SNED1: variants seen among roughly 807,000 people sequenced by gnomAD.
The protein encoded by SNED1 is sushi, nidogen and EGF-like domain-containing protein 1.
SNED1 carries 81 observed loss-of-function variants against 166.7 expected under a neutral mutation model. The ratio of observed to expected loss-of-function variants is 0.49; its 90% CI spans 0.41 to 0.58. The LOEUF (loss-of-function observed/expected upper bound fraction) is 0.58, where lower values mean the gene tolerates loss of function less well. Ranked by LOEUF, SNED1 falls within the 20% of genes least tolerant of loss-of-function variation. The probability of loss-of-function intolerance (pLI) is 0.00; values close to 1 mark genes in which losing one functional copy is unlikely to be tolerated. For synonymous variants in SNED1, 762 were observed against 822.0 expected (o/e 0.93, Z 1.25); for missense variants, 1,604 against 2,000.2 (o/e 0.80, Z 3.78).
intron 4 of SNED1, 87 bp downstream of exon 4, chr2:241,034,817 G>T: frequency 7.2e-7 from 1 of 1,388,978 alleles, no homozygotes; most frequent in Non-Finnish European, 9.7e-7. Flanking sequence ...AAGGGGGCTG[G>T]ATGCTGACGG....
At chr2:241,078,698 A>G (rs2063168081) in intron 27 of SNED1, among the ~76,000 whole-genome samples, 1 of 151,904 alleles carries the variant, frequency 6.6e-6, no homozygotes, top group Non-Finnish European at 1.5e-5. Flanking sequence ...TGAGGTCACG[A>G]AAATGTTCTA....
chr2:241,050,043 C>T (rs548666282), intron 12 of SNED1, 110 bp downstream of exon 12: 8 of 792,650 alleles, frequency 1.0e-5, no homozygotes, highest in East Asian at 2.6e-5. Context: ...TTGCTGACCT[C>T]GTCTAGAGCC....
In SNED1 at chr2:241,016,701, G is replaced by C. The variant is rs760823986; in HGVS notation, c.214-13583G>C. 5.6e-4 allele frequency among the ~76,000 whole-genome samples: 85 copies of C among 152,190 alleles called. No homozygotes were observed. In the Middle Eastern group the frequency reaches 0.01, roughly 18 times the overall value. ...CTATGTGTCTCTGGAATTATTTCTT[G>C]AATGTTTGGTGTAACTCACTGGTGA... On this transcript the variant is annotated intron_variant, in intron 1 of 31. Transcript: ENST00000310397.
intron 5 of SNED1, 36 bp from the exon 6 acceptor site, chr2:241,037,203 TC>T (rs777892246): frequency 4.0e-6 from 6 of 1,513,892 alleles, no homozygotes; most frequent in Non-Finnish European, 5.4e-6. Flanking sequence ...TCATCCGGGT[TC>T]CCGCCGCTGA....
intron 30 of SNED1, 97 bp downstream of exon 30, chr2:241,087,572 C>A: frequency 6.8e-7 from 1 of 1,470,816 alleles, no homozygotes; most frequent in Non-Finnish European, 9.0e-7. Flanking sequence ...GGCCTGTGGG[C>A]TGAGCCAGGC....
chr2:241,028,121 A>T (rs1407106874), intron 1 of SNED1, among the ~76,000 whole-genome samples: 1 of 152,100 alleles, frequency 6.6e-6, no homozygotes, highest in African/African-American at 2.4e-5. Flanking sequence ...GTCCTTTCTC[A>T]TTTTTGAAAC....
chr2:241,076,822 T>G (rs1375797644), intron 27 of SNED1, among the ~76,000 whole-genome samples: 1 of 151,744 alleles, frequency 6.6e-6, no homozygotes, highest in Non-Finnish European at 1.5e-5. Context: ...CCGGGCGCAG[T>G]GGCTCAGGCC....
Position 241,070,082 on chromosome 2 carries a change from C to A in SNED1, c.3470C>A (p.Ala1157Glu), listed in dbSNP as rs773042335. 1 of 1,613,088 alleles carries A rather than the reference C, an allele frequency of 6.2e-7. No homozygotes were observed. The highest frequency in any genetic ancestry group is 8.5e-7 in the Non-Finnish European group (1 of 1,179,886). The change falls in exon 24 of 32, where the codon GCG becomes GAG. Residue 1157 changes from alanine (A) to glutamate (E), a missense_variant. By Grantham distance (107) the Ala-to-Glu change is moderately radical. Transcript: ENST00000310397. ...CGCTATGTCCCCAACGGGAAGCTGG[C>A]GTCCTACACGGTGCGCGACCTGCTG... ...KSRYVPNGKL[A>E]SYTVRDLLPG...
intron 16 of SNED1, among the ~76,000 whole-genome samples, chr2:241,062,152 TG>T (rs1458218277): frequency 6.6e-6 from 1 of 152,212 alleles, no homozygotes; most frequent in African/African-American, 2.4e-5. Flanking sequence ...CATATTTTAC[TG>T]CCAGAAAACC....
At chr2:241,003,152 G>T (rs945768558) in intron 1 of SNED1, among the ~76,000 whole-genome samples, 20 of 22,506 alleles carry the variant, frequency 8.9e-4, no homozygotes, top group Non-Finnish European at 1.6e-3. Context: ...CACTCCCCCA[G>T]CCCCACCCTC....
chr2:241,094,419 G>A lies in SNED1; in HGVS notation c.*2783G>A, dbSNP rs547912191. 1 of 471,114 alleles carries A rather than the reference G, an allele frequency of 2.1e-6. No individual in the cohort carries two copies. Among genetic ancestry groups the A allele is most frequent in the Admixed American group, 2.4e-5 (1 of 42,552 alleles). 29.2% of individuals were successfully genotyped at this position (471,114 alleles called of 1,614,324 possible). On this transcript the variant is annotated 3_prime_UTR_variant, in exon 32 of 32. Coordinates refer to ENST00000310397, the MANE Select transcript of SNED1 (RefSeq NM_001080437.3). The surrounding 1 kb of genome is among the most constrained non-coding windows in gnomAD (Gnocchi z 4.3). ...AAGTCTTTTTCTTTGCAGTCACGCT[G>A]TAAGACGAGGCTGCTGGAGAAAACA...
chr2:241,077,027 T>C (rs1438781193), intron 27 of SNED1, among the ~76,000 whole-genome samples: 2 of 148,854 alleles, frequency 1.3e-5, no homozygotes, highest in East Asian at 2.0e-4. Context: ...TGCAGTGAGC[T>C]GAGATTGCGC....
intron 27 of SNED1, chr2:241,074,022 TC>T (rs2125257951): frequency 6.5e-6 from 1 of 152,982 alleles, no homozygotes. Context: ...CTGGTTCTAA[TC>T]CTTTGGGGCT....
At chr2:241,023,091 A>G (rs930648194) in intron 1 of SNED1, among the ~76,000 whole-genome samples, 2 of 152,026 alleles carry the variant, frequency 1.3e-5, no homozygotes, top group South Asian at 2.1e-4. Flanking sequence ...CTTCTTTTAC[A>G]TAGGAGTTTA....
chr2:241,045,254 G>A (rs1394534424), intron 8 of SNED1, among the ~76,000 whole-genome samples: 2 of 152,320 alleles, frequency 1.3e-5, no homozygotes, highest in African/African-American at 4.8e-5. Flanking sequence ...GATTTAACAT[G>A]ATTCCAACAG....
intron 1 of SNED1, among the ~76,000 whole-genome samples, chr2:241,004,797 A>G (rs1464846628): frequency 6.6e-6 from 1 of 152,170 alleles, no homozygotes; most frequent in Non-Finnish European, 1.5e-5. Flanking sequence ...ATCTCGGCTC[A>G]CTGCAACCTC....
intron 27 of SNED1, among the ~76,000 whole-genome samples, chr2:241,077,243 C>T (rs773921022): frequency 1.2e-4 from 18 of 152,154 alleles, no homozygotes; most frequent in African/African-American, 1.2e-4. Context: ...CCGGAGCCCT[C>T]GTACCATATA....
At chr2:241,027,907 G>A (rs998031152) in intron 1 of SNED1, among the ~76,000 whole-genome samples, 1 of 151,876 alleles carries the variant, frequency 6.6e-6, no homozygotes, top group East Asian at 1.9e-4. Flanking sequence ...CTAATTTTTT[G>A]TATTTCTAGT....
chr2:241,010,428 C>G (rs1232158727), intron 1 of SNED1: 3 of 152,350 alleles, frequency 2.0e-5, no homozygotes, highest in Admixed American at 2.0e-4. Flanking sequence ...CCCCGTCCTG[C>G]AGGAAAGGCA....
Sources: gnomAD v4.1 joint callset for allele counts (sites outside exome capture counted in the v4.1 genomes callset) on GRCh38, gnomAD v4.1.1 for gene constraint, Gnocchi (gnomAD v3.1) non-coding constraint, MANE v1.5 for transcripts, NCBI Gene and HGNC (gene_info 2026-07-23, HGNC 2026-07-21) for gene names.